SPAG17: variants seen among roughly 807,000 people sequenced by gnomAD.
The protein encoded by SPAG17 is sperm-associated antigen 17.
A neutral mutation model predicts 273.6 loss-of-function variants in SPAG17; 169 were observed. The observed-to-expected ratio is 0.62, with a 90% confidence interval of 0.55 to 0.70. SPAG17 has a LOEUF of 0.70. Ranked by LOEUF, SPAG17 falls within the 30% of genes least tolerant of loss-of-function variation. SPAG17 has a pLI of 0.00. For synonymous variants in SPAG17, 825 were observed against 873.2 expected, an observed-to-expected ratio of 0.94 and a Z score of 0.97; for missense variants, 2,557 against 2,627.8, an observed-to-expected ratio of 0.97 and a Z score of 0.59.
chr1:118,008,190 G>T lies in SPAG17; in HGVS notation c.4441C>A (p.Pro1481Thr), dbSNP rs747450306. The change falls in exon 31 of 49, where the codon CCT becomes ACT. Residue 1481 changes from proline to threonine, a missense_variant. Coordinates refer to ENST00000336338, the MANE Select transcript of SPAG17 (RefSeq NM_206996.4). The stretch of plus-strand genomic sequence containing the variant: ...TTCACCTGCCTGGTGACAGTCCGAG[G>T]ACCCTCGGCTACAAGCAAATGCAAG... ...LPDDQETTEGPRTVTRQVKCM... is the reference protein window; with the variant it reads ...LPDDQETTEGTRTVTRQVKCM... The T allele has an allele frequency of 1.9e-6, 3 of 1,613,774 alleles. No homozygotes were observed. Among genetic ancestry groups the T allele is most frequent in the South Asian group, 1.1e-5 (1 of 91,068 alleles).
chr1:117,972,143 G>T, intron 44 of SPAG17, 96 bp from the exon 45 acceptor site: 1 of 1,039,750 alleles, frequency 9.6e-7, no homozygotes. Context: ...ATAACTGTTG[G>T]GTTGCTGGAG....
intron 18 of SPAG17, among the ~76,000 whole-genome samples, chr1:118,064,940 C>T (rs1652805295): frequency 6.6e-6 from 1 of 151,316 alleles, no homozygotes; most frequent in African/African-American, 2.4e-5. Flanking sequence ...AGTTAAAGAA[C>T]ATCAGAATAA....
chr1:117,982,176 C>T (rs775834048), intron 42 of SPAG17, among the ~76,000 whole-genome samples: 5 of 151,738 alleles, frequency 3.3e-5, no homozygotes, highest in East Asian at 3.9e-4. Flanking sequence ...CTATTGTATG[C>T]GTTCATTATA....
At position 117,981,912 on chromosome 1, in the gene SPAG17, T is replaced by C. The variant is rs547013787; in HGVS notation, c.5873-511A>G. 2.0e-5 allele frequency among the ~76,000 whole-genome samples: 3 copies of C among 152,334 alleles called. No individual in the cohort carries two copies. In the East Asian group the frequency reaches 5.8e-4, roughly 29 times the overall value. The stretch of plus-strand genomic sequence containing the variant: ...TTGAGGAGGCAAATACATTTCAGTT[T>C]GTGTGTGTGCCAACCCTGGTTGAAT... On this transcript the variant is annotated intron_variant, in intron 42 of 48. Coordinates refer to ENST00000336338, the MANE Select transcript of SPAG17 (RefSeq NM_206996.4).
chr1:118,103,734 T>C (rs1317609205), intron 4 of SPAG17, among the ~76,000 whole-genome samples: 4 of 152,052 alleles, frequency 2.6e-5, no homozygotes, highest in East Asian at 1.9e-4. Context: ...AGAAACACAA[T>C]TGAGAACACT....
intron 20 of SPAG17, among the ~76,000 whole-genome samples, chr1:118,043,591 C>T (rs1252352277): frequency 6.6e-6 from 1 of 152,182 alleles, no homozygotes; most frequent in Admixed American, 6.5e-5. Flanking sequence ...TGTGCTACTG[C>T]ATAGCACTGC....
intron 3 of SPAG17, among the ~76,000 whole-genome samples, chr1:118,133,321 C>T (rs1251572108): frequency 2.6e-5 from 4 of 151,976 alleles, no homozygotes; most frequent in African/African-American, 7.2e-5. Flanking sequence ...GAGAGTTTAT[C>T]GTTGAGGAGG....
chr1:118,023,341 T>C lies in SPAG17; in HGVS notation c.4032A>G (p.Ser1344=). 1.9e-6 allele frequency: 3 copies of C among 1,612,066 alleles called. No individual in the cohort carries two copies. Among genetic ancestry groups the C allele is most frequent in the Non-Finnish European group, 2.5e-6 (3 of 1,178,716 alleles). The change falls in exon 28 of 49, where the codon TCA becomes TCG. Residue 1344 remains serine, a synonymous_variant. Transcript: ENST00000336338. ...DLMDSISQQK[S]ETIPSEITNT... The stretch of plus-strand genomic sequence containing the variant: ...TGGTAATCTCAGATGGTATCGTTTC[T>C]GATTTCTGCTGAGAAATAGAGTCCA...
chr1:117,983,648 T>C (rs999176029), intron 42 of SPAG17, among the ~76,000 whole-genome samples, 163 bp downstream of exon 42: 3 of 152,220 alleles, frequency 2.0e-5, no homozygotes, highest in Admixed American at 1.3e-4. Context: ...AACTAAATGT[T>C]ATTTACATAT....
At chr1:118,044,250 GC>G (rs1650094104) in intron 20 of SPAG17, among the ~76,000 whole-genome samples, 1 of 152,126 alleles carries the variant, frequency 6.6e-6, no homozygotes, top group Non-Finnish European at 1.5e-5. Context: ...ACTTTGGGAG[GC>G]CAAGGCGGGT....
At chr1:118,136,878 C>G (rs930262123) in intron 3 of SPAG17, among the ~76,000 whole-genome samples, 1 of 151,882 alleles carries the variant, frequency 6.6e-6, no homozygotes, top group African/African-American at 2.4e-5. Flanking sequence ...TAGGAAAGCC[C>G]TGACAATGTT....
At chr1:118,124,779 C>T (rs1267957459) in intron 3 of SPAG17, among the ~76,000 whole-genome samples, 2 of 152,170 alleles carry the variant, frequency 1.3e-5, no homozygotes, top group East Asian at 1.9e-4. Context: ...GGTGATCACA[C>T]AGCCGGTAAT....
intron 31 of SPAG17, 134 bp from the exon 32 acceptor site, chr1:118,005,736 T>C: frequency 1.7e-6 from 1 of 594,776 alleles, no homozygotes. Flanking sequence ...AAAACATTAA[T>C]CAAGGGAGGA....
chr1:118,066,917 T>C lies in SPAG17; in HGVS notation c.2386-18A>G. The C allele has an allele frequency of 6.3e-7, 1 of 1,592,042 alleles. No homozygotes were observed. The highest frequency in any genetic ancestry group is 8.5e-7 in the Non-Finnish European group (1 of 1,173,154). The stretch of plus-strand genomic sequence containing the variant: ...TGAAGGACCTGAAAATCAAAATAAT[T>C]GCATTGTAGAATCTTTTTTATTTTC... On this transcript the variant is annotated intron_variant, in intron 17 of 48. Coordinates refer to ENST00000336338, the MANE Select transcript of SPAG17 (RefSeq NM_206996.4).
At chr1:118,123,346 G>T (rs1323699359) in intron 3 of SPAG17, among the ~76,000 whole-genome samples, 1 of 152,064 alleles carries the variant, frequency 6.6e-6, no homozygotes, top group Admixed American at 6.5e-5. Flanking sequence ...AAAGGATAAG[G>T]GTAGCAGTGA....
At chr1:117,996,340 C>T (rs963721534) in intron 34 of SPAG17, 30 bp downstream of exon 34, 5 of 1,577,588 alleles carry the variant, frequency 3.2e-6, no homozygotes, top group Non-Finnish European at 4.3e-6. Context: ...AAAGAGACAC[C>T]GTGCATTCCA....
intron 48 of SPAG17, chr1:117,961,175 C>G (rs1653040825): frequency 6.6e-6 from 1 of 152,158 alleles, no homozygotes; most frequent in African/African-American, 2.4e-5. Flanking sequence ...CCCAGCTACT[C>G]AGGAGGCTGA....
chr1:118,115,901 A>G (rs887436221), intron 3 of SPAG17, among the ~76,000 whole-genome samples: 16 of 152,232 alleles, frequency 1.1e-4, no homozygotes, highest in Admixed American at 1.3e-4. Flanking sequence ...GCAGTCTTTT[A>G]TTTCTTTGTA....
intron 1 of SPAG17, among the ~76,000 whole-genome samples, chr1:118,159,827 A>C (rs1052703803): frequency 2.6e-5 from 4 of 152,148 alleles, no homozygotes; most frequent in Admixed American, 2.6e-4. Flanking sequence ...CTTTGCAGGG[A>C]ATTCTACTCC....
Sources: allele counts gnomAD v4.1 joint callset (sites outside exome capture counted in the v4.1 genomes callset), GRCh38; gene constraint gnomAD v4.1.1; transcripts MANE v1.5; gene names NCBI Gene and HGNC (gene_info 2026-07-23, HGNC 2026-07-21).